Variants in ADGRG5 observed in about 807,000 individuals in gnomAD.
ADGRG5 encodes adhesion G protein-coupled receptor G5, also known as G protein-coupled receptor 114.
In ADGRG5, 37 loss-of-function variants were observed where a neutral mutation model predicts 53.2. The observed-to-expected ratio is 0.70, with a 90% CI of 0.53 to 0.91. The LOEUF (loss-of-function observed/expected upper bound fraction) is 0.91, where lower values mean the gene tolerates loss of function less well. Among genes scored for constraint, ADGRG5 ranks in the 40% least tolerant of loss-of-function variants. ADGRG5 has a pLI of 0.00. For missense variants in ADGRG5, 614 were observed against 675.8 expected (o/e 0.91, Z 1.01); for synonymous variants, 277 against 290.4 (o/e 0.95, Z 0.47).
chr16:57,552,161 C>G (rs1187746308), intron 1 of ADGRG5, among the ~76,000 whole-genome samples: 3 of 152,032 alleles, frequency 2.0e-5, no homozygotes, highest in African/African-American at 7.2e-5. Flanking sequence ...TTTAGCATAA[C>G]TCTTAAGAGA....
intron 1 of ADGRG5, among the ~76,000 whole-genome samples, chr16:57,556,618 G>T (rs143981653): frequency 6.6e-6 from 1 of 152,088 alleles, no homozygotes; most frequent in African/African-American, 2.4e-5. Flanking sequence ...CCTGCCTGTC[G>T]TGCTATTTTT....
intron 11 of ADGRG5, 98 bp downstream of exon 11, chr16:57,575,190 G>C (rs1480015840): frequency 1.8e-5 from 25 of 1,361,700 alleles, no homozygotes; most frequent in Non-Finnish European, 2.2e-5. Context: ...GGGGGCGAGT[G>C]GGGGACTAAC....
intron 1 of ADGRG5, among the ~76,000 whole-genome samples, chr16:57,543,527 C>T (rs2032540837): frequency 6.6e-6 from 1 of 152,146 alleles, no homozygotes; most frequent in South Asian, 2.1e-4. Context: ...AGGTGATCCA[C>T]CTGCCTTGGC....
In ADGRG5 at chr16:57,574,863, C is replaced by T. The variant is rs775342757; in HGVS notation, c.1257C>T (p.Tyr419=). 1.6e-5 allele frequency: 25 copies of T among 1,610,214 alleles called. No individual in the cohort carries two copies. The highest frequency in any genetic ancestry group is 1.2e-4 in the African/African-American group (9 of 74,892). Residue 419 remains tyrosine (Y), a synonymous_variant, in exon 11 of 12, where the codon TAC becomes TAT. Transcript: ENST00000349457. This position sits in a 1 kb window ranked among gnomAD's most constrained non-coding sequence, Gnocchi z 4.4. ...PVVHSVLVMG[Y]GGLTSLFNLV... The stretch of plus-strand genomic sequence containing the variant: ...TGCACAGTGTCCTGGTCATGGGCTA[C>T]GGCGGCCTCACGTCCCTCTTCAACC...
intron 9 of ADGRG5, among the ~76,000 whole-genome samples, chr16:57,570,006 C>T (rs1177260362): frequency 1.3e-5 from 2 of 151,798 alleles, no homozygotes; most frequent in Admixed American, 6.6e-5. Context: ...CCTTCACCAC[C>T]ATCACCACCT....
At chr16:57,538,965 C>A (rs563716643), upstream of ADGRG5, among the ~76,000 whole-genome samples, 1 of 152,102 alleles carries the variant, frequency 6.6e-6, no homozygotes, top group Non-Finnish European at 1.5e-5. Context: ...AATAAAACAA[C>A]GTTAGTAAAG....
the ADGRG5 span, among the ~76,000 whole-genome samples, chr16:57,529,926 T>A: frequency 6.6e-6 from 1 of 152,288 alleles, no homozygotes; most frequent in African/African-American, 2.4e-5. This position sits in a 1 kb window ranked among gnomAD's most constrained non-coding sequence, Gnocchi z 4.1. Context: ...ATGATATTTG[T>A]GGAGGGCAGG....
chr16:57,530,469 G>C, the ADGRG5 span, among the ~76,000 whole-genome samples: 1 of 152,160 alleles, frequency 6.6e-6, no homozygotes, highest in Non-Finnish European at 1.5e-5. Flanking sequence ...CCCTTTCTGA[G>C]TGATCAGTGT....
At chr16:57,560,538 G>A (rs2032975687) in intron 1 of ADGRG5, among the ~76,000 whole-genome samples, 2 of 152,152 alleles carry the variant, frequency 1.3e-5, no homozygotes, top group African/African-American at 4.8e-5. Flanking sequence ...CTGCCTTGGG[G>A]CATAACCCTG....
chr16:57,563,283 C>T (rs1188323903), intron 4 of ADGRG5, 36 bp downstream of exon 4: 17 of 1,598,934 alleles, frequency 1.1e-5, no homozygotes, highest in Non-Finnish European at 1.5e-5. Context: ...TGGCCAGCTG[C>T]CCCGCCCTAG....
At chr16:57,570,869 C>A (rs1474777294) in intron 10 of ADGRG5, among the ~76,000 whole-genome samples, 2 of 152,168 alleles carry the variant, frequency 1.3e-5, no homozygotes, top group East Asian at 3.9e-4. Flanking sequence ...CTGCACTTGA[C>A]TCTGTTCCCC....
chr16:57,562,916 T>C (rs1167779238), intron 3 of ADGRG5, among the ~76,000 whole-genome samples, 175 bp from the exon 4 acceptor site: 1 of 151,980 alleles, frequency 6.6e-6, no homozygotes, highest in Non-Finnish European at 1.5e-5. Flanking sequence ...GAGGAGGGGA[T>C]AGATGGGGTA....
chr16:57,554,461 C>T (rs1343169008), intron 1 of ADGRG5, among the ~76,000 whole-genome samples: 4 of 151,866 alleles, frequency 2.6e-5, no homozygotes, highest in Non-Finnish European at 5.9e-5. Flanking sequence ...ACTGCAAGCT[C>T]TGCCTCCCAG....
upstream of ADGRG5, among the ~76,000 whole-genome samples, chr16:57,540,551 GC>G (rs2032474709): frequency 6.6e-6 from 1 of 152,052 alleles, no homozygotes; most frequent in South Asian, 2.1e-4. Flanking sequence ...GGAGCAGGAG[GC>G]AGAGAAGCCT....
At chr16:57,562,319 G>A in intron 2 of ADGRG5, 65 bp from the exon 3 acceptor site, 1 of 1,483,576 alleles carries the variant, frequency 6.7e-7, no homozygotes, top group Non-Finnish European at 9.3e-7. Context: ...GGGATGGAAA[G>A]CCCAGAGGTT....
At chr16:57,554,453 T>C (rs983177118) in intron 1 of ADGRG5, among the ~76,000 whole-genome samples, 5 of 152,026 alleles carry the variant, frequency 3.3e-5, no homozygotes, top group African/African-American at 7.2e-5. Context: ...CTCAGCTCAC[T>C]GCAAGCTCTG....
intron 1 of ADGRG5, among the ~76,000 whole-genome samples, chr16:57,550,057 GCCT>G (rs1486859259): frequency 2.6e-5 from 4 of 151,974 alleles, no homozygotes; most frequent in Non-Finnish European, 1.5e-5. Context: ...GCTCACTGCA[GCCT>G]CCTCCTCCTG....
Position 57,575,552 on chromosome 16 carries a change from G to A in ADGRG5, c.*14G>A. The A allele has an allele frequency of 6.2e-7, 1 of 1,605,170 alleles. No homozygotes were observed. On this transcript the variant is annotated 3_prime_UTR_variant, in exon 12 of 12. Transcript: ENST00000349457. ...ACAACACAGTAGTCCGGGCCTCCTG[G>A]CCTGGAATCCTCAGCCTCTCTGGCC...
intron 1 of ADGRG5, among the ~76,000 whole-genome samples, chr16:57,559,604 T>C (rs1480091680): frequency 6.6e-6 from 1 of 152,204 alleles, no homozygotes; most frequent in Non-Finnish European, 1.5e-5. Context: ...CCTTATCTAC[T>C]TTTGCGGCAA....
Sources: allele counts gnomAD v4.1 joint callset (sites outside exome capture counted in the v4.1 genomes callset), GRCh38; gene constraint gnomAD v4.1.1; non-coding constraint Gnocchi (gnomAD v3.1); transcripts MANE v1.5; gene names NCBI Gene and HGNC (gene_info 2026-07-23, HGNC 2026-07-21).